The following GRIN3A variants were observed in gnomAD, a reference collection of about 807,000 sequenced individuals.
GRIN3A encodes glutamate receptor ionotropic, NMDA 3A.
GRIN3A carries 47 observed loss-of-function variants against 92.4 expected under a neutral mutation model. That is an observed-to-expected ratio of 0.51 (90% CI 0.40 to 0.65). The LOEUF is 0.65. Ranked by LOEUF, GRIN3A falls within the 30% of genes least tolerant of loss-of-function variation. GRIN3A has a pLI of 0.00. For missense variants in GRIN3A, 1,324 were observed against 1,393.1 expected (o/e 0.95, Z 0.79); for synonymous variants, 527 against 540.6 (o/e 0.97, Z 0.35).
intron 6 of GRIN3A, among the ~76,000 whole-genome samples, chr9:101,612,093 C>T (rs560605799): frequency 1.1e-4 from 16 of 152,238 alleles, no homozygotes; most frequent in African/African-American, 3.6e-4. Context: ...GGCTTCTAAG[C>T]AGAAGAATGA....
intron 8 of GRIN3A, among the ~76,000 whole-genome samples, chr9:101,575,861 A>G (rs536981367): frequency 6.6e-6 from 1 of 152,288 alleles, no homozygotes; most frequent in African/African-American, 2.4e-5. Context: ...ATTTTCTTCA[A>G]CTGTCTAGAC....
intron 4 of GRIN3A, among the ~76,000 whole-genome samples, chr9:101,624,313 T>C (rs1290223160): frequency 2.0e-5 from 3 of 151,772 alleles, no homozygotes; most frequent in East Asian, 1.9e-4. Context: ...CATGCTGGTG[T>C]GCTGCACCCA....
intron 3 of GRIN3A, among the ~76,000 whole-genome samples, chr9:101,668,349 C>T (rs541531356): frequency 6.6e-6 from 1 of 151,620 alleles, no homozygotes; most frequent in South Asian, 2.1e-4. Flanking sequence ...GAAATCTCCA[C>T]AACAGGCATA....
chr9:101,682,945 G>A (rs188202758), intron 2 of GRIN3A, among the ~76,000 whole-genome samples: 255 of 152,342 alleles, frequency 1.7e-3, no homozygotes, highest in African/African-American at 5.9e-3. Context: ...TTGCGCCACC[G>A]CACTCCAGCC....
chr9:101,703,228 G>A (rs950742871), intron 1 of GRIN3A, among the ~76,000 whole-genome samples: 1 of 152,148 alleles, frequency 6.6e-6, no homozygotes, highest in Admixed American at 6.5e-5. Flanking sequence ...TAAATGATCT[G>A]GCCTTGCTTA....
chr9:101,625,301 C>T (rs1286028728), intron 4 of GRIN3A, among the ~76,000 whole-genome samples: 2 of 152,176 alleles, frequency 1.3e-5, no homozygotes, highest in Non-Finnish European at 2.9e-5. Context: ...TCAGTCCTTC[C>T]TCTCTTAGAT....
At chr9:101,712,720 G>C (rs535685747) in intron 1 of GRIN3A, among the ~76,000 whole-genome samples, 1 of 152,132 alleles carries the variant, frequency 6.6e-6, no homozygotes, top group Non-Finnish European at 1.5e-5. Flanking sequence ...AGAACAGAAG[G>C]ATATTGCACA....
intron 5 of GRIN3A, among the ~76,000 whole-genome samples, chr9:101,621,039 CTT>C (rs1187570846): frequency 1.3e-5 from 2 of 152,184 alleles, no homozygotes; most frequent in East Asian, 3.9e-4. Flanking sequence ...AATCCCAGCA[CTT>C]TGGGAGGCCG....
At chr9:101,694,869 A>C (rs1245837674) in intron 1 of GRIN3A, among the ~76,000 whole-genome samples, 1 of 152,160 alleles carries the variant, frequency 6.6e-6, no homozygotes, top group East Asian at 1.9e-4. Flanking sequence ...GACATAAAGA[A>C]AGACTATTAG....
At chr9:101,630,668 G>A (rs1395141627) in intron 3 of GRIN3A, among the ~76,000 whole-genome samples, 3 of 152,086 alleles carry the variant, frequency 2.0e-5, no homozygotes, top group South Asian at 2.1e-4. Flanking sequence ...TATGCCAGAC[G>A]GTAAGCTAAG....
At chr9:101,579,715 G>T (rs1225570980) in intron 6 of GRIN3A, among the ~76,000 whole-genome samples, 1 of 152,180 alleles carries the variant, frequency 6.6e-6, no homozygotes, top group Non-Finnish European at 1.5e-5. Context: ...TGCCTCAGTT[G>T]TCCCTTCCTT....
chr9:101,697,072 T>G lies in GRIN3A; in HGVS notation c.700-9872A>C, dbSNP rs540652925. On this transcript the variant is annotated intron_variant, in intron 1 of 8. Coordinates refer to ENST00000361820, the MANE Select transcript of GRIN3A (RefSeq NM_133445.3). ...TTTACTGTATAATGGCTTATTTCAT[T>G]TGAGAATTCAAACACTTTTTATTGA... is the stretch of plus-strand genomic sequence containing the variant. Among the ~76,000 whole-genome samples, 2 of 152,334 alleles carry G rather than the reference T, an allele frequency of 1.3e-5. 1 individual carries two copies. The highest frequency in any genetic ancestry group is 4.1e-4 in the South Asian group (2 of 4,828).
chr9:101,713,328 G>A (rs531598713), intron 1 of GRIN3A, among the ~76,000 whole-genome samples: 1 of 152,302 alleles, frequency 6.6e-6, no homozygotes, highest in East Asian at 1.9e-4. Context: ...TGACAGCTGT[G>A]TTATTTTTAA....
chr9:101,621,128 T>C (rs1199542864), intron 5 of GRIN3A, among the ~76,000 whole-genome samples: 1 of 151,756 alleles, frequency 6.6e-6, no homozygotes, highest in Non-Finnish European at 1.5e-5. Context: ...CTACTAAAAC[T>C]ACAAAAATTA....
chr9:101,697,940 G>C (rs973209868), intron 1 of GRIN3A, among the ~76,000 whole-genome samples: 8 of 152,124 alleles, frequency 5.3e-5, no homozygotes, highest in Admixed American at 3.9e-4. Context: ...TTAAAGGAAA[G>C]ATTCTGGCTT....
chr9:101,587,048 G>T (rs563962715), intron 6 of GRIN3A, among the ~76,000 whole-genome samples: 1 of 152,124 alleles, frequency 6.6e-6, no homozygotes, highest in Non-Finnish European at 1.5e-5. Context: ...AGTGGCTCAC[G>T]CCTGTAATCC....
chr9:101,604,421 G>C (rs754881974), intron 6 of GRIN3A, among the ~76,000 whole-genome samples: 1 of 152,118 alleles, frequency 6.6e-6, no homozygotes, highest in Non-Finnish European at 1.5e-5. Context: ...GCTTCTTCGG[G>C]TTTTCAGAAC....
chr9:101,665,310 A>C (rs1829224309), intron 3 of GRIN3A, among the ~76,000 whole-genome samples: 1 of 151,896 alleles, frequency 6.6e-6, no homozygotes, highest in African/African-American at 2.4e-5. Context: ...GCACAATTAT[A>C]ACAGAAAGAC....
Position 101,737,870 on chromosome 9 carries a change from G to C in GRIN3A, c.110C>G (p.Pro37Arg). The C allele has an allele frequency of 2.6e-6, 4 of 1,534,064 alleles. No individual in the cohort carries two copies. Among genetic ancestry groups the C allele is most frequent in the Non-Finnish European group, 1.7e-6 (2 of 1,146,574 alleles). Residue 37 changes from proline to arginine, a missense_variant, in exon 1 of 9, where the codon CCC becomes CGC. Transcript: ENST00000361820. ...GVPSSSSHPQ[P>R]CQILKRIGHA... ...CCCGATGCGCTTGAGGATCTGGCAG[G>C]GCTGCGGGTGCGAGGAGGAGCTGGG... is the stretch of plus-strand genomic sequence containing the variant.
Sources: allele counts gnomAD v4.1 joint callset (sites outside exome capture counted in the v4.1 genomes callset), GRCh38; gene constraint gnomAD v4.1.1; transcripts MANE v1.5; gene names NCBI Gene and HGNC (gene_info 2026-07-23, HGNC 2026-07-21).